PTK7: variants seen among roughly 807,000 people sequenced by gnomAD.
PTK7 encodes protein tyrosine kinase 7 (inactive), also known as inactive tyrosine-protein kinase 7.
Under a neutral mutation model 116.6 loss-of-function variants are expected in PTK7, and 39 were observed. The ratio of observed to expected loss-of-function variants is 0.33; its 90% CI spans 0.26 to 0.44. The LOEUF (loss-of-function observed/expected upper bound fraction) is 0.44, where lower values mean the gene tolerates loss of function less well. Ranked by LOEUF, PTK7 falls within the 20% of genes least tolerant of loss-of-function variation. PTK7 has a pLI of 1.00. For synonymous variants in PTK7, 546 were observed against 563.6 expected (o/e 0.97, Z 0.44); for missense variants, 1,169 against 1,425.6 (o/e 0.82, Z 2.90).
Position 43,129,695 on chromosome 6 carries a change from GC to G in PTK7, c.368-28del. On this transcript the variant is annotated intron_variant, in intron 2 of 19. Transcript: ENST00000230419. This position sits in a 1 kb window ranked among gnomAD's most constrained non-coding sequence, Gnocchi z 4.5. ...TGCCTTCCCGCCTTTGCCCTGCTCT[GC>G]CCCTCACTGCAACCGTGGCCTCTGC... The G allele has an allele frequency of 1.3e-6, 2 of 1,595,858 alleles. No homozygotes were observed. Among genetic ancestry groups the G allele is most frequent in the Non-Finnish European group, 1.7e-6 (2 of 1,163,724 alleles).
In PTK7 at chr6:43,149,007, C is replaced by G. The variant is rs568136370; in HGVS notation, c.2721+2309C>G. The stretch of plus-strand genomic sequence containing the variant: ...CCGGGAGATGGAGGTTGCAGTGAGC[C>G]AAGATCGTGCCATTGCACTCCAGCC... On this transcript the variant is annotated intron_variant, in intron 17 of 19. Transcript: ENST00000230419. Among the ~76,000 whole-genome samples the G allele has an allele frequency of 1.1e-3, 139 of 124,182 alleles. 4 individuals carry two copies. In the South Asian group the frequency reaches 0.035, roughly 31 times the overall value. 81.5% of individuals were successfully genotyped at this position (124,182 alleles called of 152,430 possible). A position where few individuals can be genotyped will look rare whatever the true frequency, so the allele number is the denominator to read the frequency against.
intron 1 of PTK7, among the ~76,000 whole-genome samples, chr6:43,079,667 T>C (rs1335888258): frequency 6.6e-6 from 1 of 152,170 alleles, no homozygotes; most frequent in Non-Finnish European, 1.5e-5. Flanking sequence ...CTTGGCTCAC[T>C]GAAGCCTCAA....
At chr6:43,136,692 G>C (rs1035523934) in intron 7 of PTK7, among the ~76,000 whole-genome samples, 2 of 152,180 alleles carry the variant, frequency 1.3e-5, no homozygotes, top group African/African-American at 2.4e-5. Context: ...AGGCCACTCA[G>C]ATTCCAGGGA....
chr6:43,122,728 G>A (rs568674495), intron 1 of PTK7, among the ~76,000 whole-genome samples: 1 of 151,026 alleles, frequency 6.6e-6, no homozygotes, highest in Admixed American at 6.6e-5. Context: ...TGTCTCGGCC[G>A]CCCAAGTAGC....
intron 17 of PTK7, among the ~76,000 whole-genome samples, chr6:43,150,787 C>CTTTTTTTTTTTTTTTTTT: frequency 1.6e-5 from 1 of 60,742 alleles, no homozygotes; most frequent in Non-Finnish European, 3.0e-5. Context: ...GTAGACTCAG[C>CTTTTTTTTTTTTTTTTTT]TTTTTTTTTT....
At chr6:43,127,978 A>G (rs936642313) in intron 1 of PTK7, among the ~76,000 whole-genome samples, 2 of 151,778 alleles carry the variant, frequency 1.3e-5, no homozygotes, top group Non-Finnish European at 2.9e-5. Flanking sequence ...TGTTTTTGGC[A>G]GTAGCCCAGG....
chr6:43,079,955 G>A (rs1373887744), intron 1 of PTK7, among the ~76,000 whole-genome samples: 1 of 151,284 alleles, frequency 6.6e-6, no homozygotes, highest in Admixed American at 6.6e-5. Flanking sequence ...CAGCTGCCCA[G>A]GAGACTGAGG....
chr6:43,159,641 C>T (rs1771717724), intron 18 of PTK7, 147 bp from the exon 19 acceptor site: 2 of 760,454 alleles, frequency 2.6e-6, no homozygotes, highest in African/African-American at 3.4e-5. Context: ...CTCCCATGCT[C>T]AGCACGCATG....
At position 43,129,197 on chromosome 6, in the gene PTK7, G is replaced by A; in HGVS notation, c.300G>A (p.Gln100=). 3.1e-6 allele frequency: 5 copies of A among 1,614,216 alleles called. No individual in the cohort carries two copies. The highest frequency in any genetic ancestry group is 4.2e-6 in the Non-Finnish European group (5 of 1,180,052). Residue 100 remains glutamine (Q), a synonymous_variant, in exon 2 of 20, where the codon CAG becomes CAA. Transcript: ENST00000230419. The surrounding 1 kb of genome is among the most constrained non-coding windows in gnomAD (Gnocchi z 4.5). ...GGCTGCAGGACTCTGGCACCTTCCA[G>A]TGTGTGGCTCGGGATGATGTCACTG... ...VDRLQDSGTF[Q]CVARDDVTGE...
intron 1 of PTK7, among the ~76,000 whole-genome samples, chr6:43,112,480 G>A (rs1768250146): frequency 6.6e-6 from 1 of 151,878 alleles, no homozygotes; most frequent in South Asian, 2.1e-4. Flanking sequence ...GCCAGGGCCC[G>A]GGTCTCACAT....
rs1237756075 is a variant in PTK7, at chr6:43,130,251, A to G, written c.492A>G (p.Arg164=). The G allele has an allele frequency of 1.3e-6, 2 of 1,592,262 alleles. No homozygotes were observed. Among genetic ancestry groups the G allele is most frequent in the South Asian group, 2.2e-5 (2 of 89,582 alleles). Residue 164 remains arginine (R), a synonymous_variant, in exon 4 of 20, where the codon CGA becomes CGG. Transcript: ENST00000230419. ...GCAGGCCCACCTACCAATGGTTCCG[A>G]GATGGGACCCCCCTTTCTGATGGTC... is the stretch of plus-strand genomic sequence containing the variant. The part of the protein sequence containing the change: ...GHPRPTYQWF[R]DGTPLSDGQS...
chr6:43,114,280 GTC>G (rs1768366459), intron 1 of PTK7, among the ~76,000 whole-genome samples: 2 of 152,280 alleles, frequency 1.3e-5, no homozygotes, highest in South Asian at 4.1e-4. Context: ...CTCTGTCTGT[GTC>G]TCTGCATGTT....
chr6:43,145,458 G>A lies in PTK7; in HGVS notation c.2640+26G>A. 4 of 1,511,660 alleles carry A rather than the reference G, an allele frequency of 2.6e-6. No individual in the cohort carries two copies. The highest frequency in any genetic ancestry group is 3.6e-6 in the Non-Finnish European group (4 of 1,120,136). The allele number at this position is 1,511,660 out of a possible 1,614,324, so 93.6% of individuals were successfully genotyped here. A position where few individuals can be genotyped will look rare whatever the true frequency, so the allele number is the denominator to read the frequency against. Reference sequence around the variant, plus strand: ...GTATGCTGTTGGCAGGGGACGTGGGGGTCTCGGGTAGGGAGGGCAGTGTCC... The same window carrying A: ...GTATGCTGTTGGCAGGGGACGTGGGAGTCTCGGGTAGGGAGGGCAGTGTCC... On this transcript the variant is annotated intron_variant, in intron 16 of 19. Transcript: ENST00000230419. The surrounding 1 kb of genome is among the most constrained non-coding windows in gnomAD (Gnocchi z 4.8).
intron 1 of PTK7, among the ~76,000 whole-genome samples, chr6:43,099,187 A>G (rs1767429185): frequency 6.6e-6 from 1 of 150,886 alleles, no homozygotes; most frequent in East Asian, 1.9e-4. Context: ...TAAAACAAAG[A>G]AAAAAAAAGA....
Position 43,142,296 on chromosome 6 carries a change from G to A in PTK7, c.2044G>A (p.Val682Met), listed in dbSNP as rs779487177. Residue 682 changes from valine to methionine, a missense_variant, in exon 13 of 20, where the codon GTG (valine) becomes ATG (methionine). This residue lies in a region of PTK7 where 678 missense variants were observed against 853.8 expected (regional missense o/e 0.79). Coordinates refer to ENST00000230419, the MANE Select transcript of PTK7 (RefSeq NM_002821.5). ...GCACACGGAGGCCCCCCTCTATGTC[G>A]TGGGTATGGGCTGGGGAGGGTTATG... The part of the protein sequence containing the change: ...IKHTEAPLYV[V>M]DKPVPEESEG... 3.0e-5 allele frequency: 48 copies of A among 1,614,128 alleles called. No individual in the cohort carries two copies. The highest frequency in any genetic ancestry group is 4.0e-5 in the Non-Finnish European group (47 of 1,180,026).
chr6:43,111,081 G>T (rs1391880043), intron 1 of PTK7, among the ~76,000 whole-genome samples: 1 of 152,216 alleles, frequency 6.6e-6, no homozygotes, highest in Non-Finnish European at 1.5e-5. Flanking sequence ...TTTGGTTCAT[G>T]CTGAAGGTAC....
At position 43,129,013 on chromosome 6, in the gene PTK7, C is replaced by T. The variant is rs777622482; in HGVS notation, c.116C>T (p.Ser39Phe). 98 of 1,612,730 alleles carry T rather than the reference C, an allele frequency of 6.1e-5. No individual in the cohort carries two copies. The highest frequency in any genetic ancestry group is 8.0e-5 in the Non-Finnish European group (94 of 1,178,978). ...QTAIVFIKQP[S>F]SQDALQGRRA... Reference sequence around the variant, plus strand: ...GCCATTGTCTTCATCAAGCAGCCGTCCTCCCAGGATGCACTGCAGGGGCGC... The same window carrying T: ...GCCATTGTCTTCATCAAGCAGCCGTTCTCCCAGGATGCACTGCAGGGGCGC... Residue 39 changes from serine to phenylalanine, a missense_variant, in exon 2 of 20, where the codon TCC becomes TTC. Physicochemically the swap from Ser to Phe is radical, Grantham distance 155. This residue lies in a region of PTK7 where 487 missense variants were observed against 549.8 expected (regional missense o/e 0.89). Transcript: ENST00000230419. The surrounding 1 kb of genome is among the most constrained non-coding windows in gnomAD (Gnocchi z 4.5).
chr6:43,104,072 C>A (rs1259135519), intron 1 of PTK7, among the ~76,000 whole-genome samples: 4 of 152,126 alleles, frequency 2.6e-5, no homozygotes, highest in African/African-American at 9.7e-5. Context: ...CAGTGCCTGG[C>A]ACATATAAGT....
chr6:43,123,854 G>A (rs1297577671), intron 1 of PTK7, among the ~76,000 whole-genome samples: 1 of 152,184 alleles, frequency 6.6e-6, no homozygotes, highest in South Asian at 2.1e-4. Context: ...GTTTTGTGCC[G>A]TGTGTGGGCT....
Sources: gnomAD v4.1 joint callset for allele counts (sites outside exome capture counted in the v4.1 genomes callset) on GRCh38, gnomAD v4.1.1 for gene constraint, gnomAD v4.1.1 regional missense constraint, Gnocchi (gnomAD v3.1) non-coding constraint, MANE v1.5 for transcripts, NCBI Gene and HGNC (gene_info 2026-07-23, HGNC 2026-07-21) for gene names.